Variants in ITGA1 observed in about 807,000 individuals in gnomAD.
The protein encoded by ITGA1 is integrin alpha-1.
ITGA1 carries 85 observed loss-of-function variants against 145.9 expected under a neutral mutation model. That is an observed-to-expected ratio of 0.58 (90% CI 0.49 to 0.70). The LOEUF is 0.70. ITGA1 is among the 30% of genes least tolerant of loss of function. The pLI, the probability that ITGA1 is intolerant of heterozygous loss-of-function variation, is 0.00. For missense variants in ITGA1, 1,351 were observed against 1,418.7 expected (o/e 0.95, Z 0.77); for synonymous variants, 520 against 495.3 (o/e 1.05, Z -0.66).
intron 8 of ITGA1, chr5:52,889,883 G>A (rs1299234148): frequency 1.4e-5 from 2 of 141,214 alleles, no homozygotes; most frequent in Non-Finnish European, 3.0e-5. Context: ...CTTCTTAGAG[G>A]ATTTGGATAT....
chr5:52,825,239 G>A (rs1748941480), intron 1 of ITGA1: 1 of 152,146 alleles, frequency 6.6e-6, no homozygotes, highest in Non-Finnish European at 1.5e-5. Flanking sequence ...TTCACTTAGT[G>A]TGATGTTTTC....
intron 24 of ITGA1, among the ~76,000 whole-genome samples, chr5:52,937,813 C>T (rs1750993302): frequency 6.6e-6 from 1 of 152,178 alleles, no homozygotes; most frequent in South Asian, 2.1e-4. Flanking sequence ...CCAAGAGAGA[C>T]TCTTTCTCAT....
chr5:52,828,701 G>C (rs1436517351), intron 1 of ITGA1, among the ~76,000 whole-genome samples: 2 of 152,142 alleles, frequency 1.3e-5, no homozygotes. Flanking sequence ...TAGAGCTACT[G>C]TACCAAATTA....
intron 11 of ITGA1, 37 bp from the exon 12 acceptor site, chr5:52,905,726 G>C (rs763420554): frequency 1.9e-6 from 3 of 1,568,222 alleles, no homozygotes; most frequent in East Asian, 4.5e-5. Context: ...AGCCTTTAAG[G>C]GTCCAGGTGG....
intron 14 of ITGA1, among the ~76,000 whole-genome samples, chr5:52,914,215 G>C (rs980251951): frequency 6.6e-6 from 1 of 152,190 alleles, no homozygotes; most frequent in African/African-American, 2.4e-5. Flanking sequence ...GTTTTTCCAA[G>C]GAATAGGTGA....
intron 6 of ITGA1, among the ~76,000 whole-genome samples, chr5:52,874,532 A>T (rs993655176): frequency 1.3e-5 from 2 of 152,136 alleles, no homozygotes; most frequent in Non-Finnish European, 1.5e-5. Context: ...TTCATAAGAG[A>T]CTAATCCAAA....
chr5:52,830,252 T>A (rs980317768), intron 1 of ITGA1, among the ~76,000 whole-genome samples: 1 of 152,168 alleles, frequency 6.6e-6, no homozygotes, highest in Non-Finnish European at 1.5e-5. Flanking sequence ...TGGAGGCATA[T>A]CTTTTTTCTT....
chr5:52,944,248 C>T (rs904536281), intron 26 of ITGA1, among the ~76,000 whole-genome samples: 3 of 152,166 alleles, frequency 2.0e-5, no homozygotes, highest in Admixed American at 6.5e-5. Context: ...CCAGCTCACA[C>T]ATCCATTGGA....
chr5:52,800,298 GC>G (rs1748440667), intron 1 of ITGA1: 3 of 1,388,324 alleles, frequency 2.2e-6, no homozygotes, highest in Non-Finnish European at 3.0e-6. Context: ...ACCGGGCCCC[GC>G]CCCCTTCCTG....
intron 18 of ITGA1, among the ~76,000 whole-genome samples, chr5:52,923,939 C>T (rs1462013460): frequency 6.6e-6 from 1 of 152,176 alleles, no homozygotes; most frequent in Admixed American, 6.5e-5. Context: ...CAAATGTGTG[C>T]TTCCTGTGGG....
At position 52,871,867 on chromosome 5, in the gene ITGA1, C is replaced by A. The variant is rs564836365; in HGVS notation, c.624+6050C>A. On this transcript the variant is annotated intron_variant, in intron 6 of 28. Transcript: ENST00000282588. The stretch of plus-strand genomic sequence containing the variant: ...TATAAAATTGCCTTTTAAAAATCAC[C>A]TATAAAAACAAACCTGAAACACTCT... Among the ~76,000 whole-genome samples the A allele has an allele frequency of 2.0e-5, 3 of 152,190 alleles. No homozygotes were observed. The South Asian group carries it at 6.2e-4, about 32-fold the overall frequency.
chr5:52,893,436 T>C (rs1016136703), intron 8 of ITGA1, among the ~76,000 whole-genome samples: 4 of 152,144 alleles, frequency 2.6e-5, no homozygotes, highest in Non-Finnish European at 5.9e-5. Flanking sequence ...GAGGAGAAAT[T>C]TTCACAGACA....
intron 1 of ITGA1, among the ~76,000 whole-genome samples, chr5:52,830,645 C>T (rs1749046976): frequency 6.6e-6 from 1 of 152,108 alleles, no homozygotes; most frequent in Non-Finnish European, 1.5e-5. Context: ...CCAAGTATTT[C>T]ATAAAGTGTT....
intron 11 of ITGA1, among the ~76,000 whole-genome samples, chr5:52,898,605 G>T (rs1005424920): frequency 6.6e-6 from 1 of 152,048 alleles, no homozygotes; most frequent in African/African-American, 2.4e-5. Flanking sequence ...GCTGTCTAAT[G>T]CAGGGAATGG....
intron 15 of ITGA1, among the ~76,000 whole-genome samples, chr5:52,917,080 A>G (rs745628146): frequency 6.6e-6 from 1 of 152,320 alleles, no homozygotes; most frequent in South Asian, 2.1e-4. Flanking sequence ...GTGAGAGTGG[A>G]TACAAGTGAC....
chr5:52,957,440 C>T lies in ITGA1; in HGVS notation c.*4989C>T, dbSNP rs1561261132. The T allele has an allele frequency of 1.3e-5, 2 of 152,142 alleles. No homozygotes were observed. Among genetic ancestry groups the T allele is most frequent in the African/African-American group, 4.8e-5 (2 of 41,426 alleles). The allele number at this position is 152,142 out of a possible 1,614,324, so 9.4% of individuals were successfully genotyped here. A position where few individuals can be genotyped will look rare whatever the true frequency, so the allele number is the denominator to read the frequency against. Reference sequence around the variant, plus strand: ...AACTTTGGACTCCTTGCTTTGAGATCGGTATTTTTTTCTCTCTCTTTACAT... The same window carrying T: ...AACTTTGGACTCCTTGCTTTGAGATTGGTATTTTTTTCTCTCTCTTTACAT... On this transcript the variant is annotated 3_prime_UTR_variant, in exon 29 of 29. Transcript: ENST00000282588.
chr5:52,912,711 AGTGTG>A (rs1335413451), intron 14 of ITGA1, among the ~76,000 whole-genome samples: 10 of 132,372 alleles, frequency 7.6e-5, no homozygotes, highest in African/African-American at 8.8e-5. Flanking sequence ...CTATATATAT[AGTGTG>A]TGTGTGTGTG....
At chr5:52,846,274 G>C (rs1749334552) in intron 1 of ITGA1, among the ~76,000 whole-genome samples, 1 of 152,110 alleles carries the variant, frequency 6.6e-6, no homozygotes, top group African/African-American at 2.4e-5. Flanking sequence ...GTGGTGTCAG[G>C]CACCTGTAAT....
At chr5:52,913,504 A>G (rs1032076197) in intron 14 of ITGA1, among the ~76,000 whole-genome samples, 6 of 152,192 alleles carry the variant, frequency 3.9e-5, no homozygotes, top group Admixed American at 3.3e-4. Flanking sequence ...GCTCTAATCC[A>G]TAAGTGTATT....
Sources: gnomAD v4.1 joint callset for allele counts (sites outside exome capture counted in the v4.1 genomes callset) on GRCh38, gnomAD v4.1.1 for gene constraint, MANE v1.5 for transcripts, NCBI Gene and HGNC (gene_info 2026-07-23, HGNC 2026-07-21) for gene names.